CDKL1: variants seen among roughly 807,000 people sequenced by gnomAD.
CDKL1 encodes cyclin dependent kinase like 1, also known as cyclin-dependent kinase-like 1.
In CDKL1, 41 loss-of-function variants were observed where a neutral mutation model predicts 42.0. The ratio of observed to expected loss-of-function variants is 0.98; its 90% CI spans 0.76 to 1.27. The LOEUF is 1.27. Among genes scored for constraint, CDKL1 ranks in the 50% most tolerant of loss-of-function variants. CDKL1 has a pLI of 0.00. For synonymous variants in CDKL1, 153 were observed against 158.6 expected, an observed-to-expected ratio of 0.96 and a Z score of 0.26; for missense variants, 394 against 428.4, an observed-to-expected ratio of 0.92 and a Z score of 0.71.
chr14:50,339,152 A>T (rs562973742), intron 6 of CDKL1, 123 bp from the exon 7 acceptor site: 1 of 714,756 alleles, frequency 1.4e-6, no homozygotes, highest in Non-Finnish European at 2.5e-6. Context: ...TTCTTGGGCA[A>T]TCAGAAGGAG....
At chr14:50,342,994 C>A in intron 4 of CDKL1, 1 of 1,355,572 alleles carries the variant, frequency 7.4e-7, no homozygotes, top group South Asian at 1.2e-5. Flanking sequence ...GGCCCCCCCT[C>A]CAGAATTTAG....
rs111342310 is a variant in CDKL1, at chr14:50,328,176, T to C, written c.*1898A>G. ...AACTATTGGCTGAATTATTAGGCTG[T>C]TATAGTAATCTGCCTCCGTCAAGTG... On this transcript the variant is annotated 3_prime_UTR_variant, in exon 10 of 10. Transcript: ENST00000395834. The C allele has an allele frequency of 1.4e-4, 22 of 152,316 alleles. No individual in the cohort carries two copies. The highest frequency in any genetic ancestry group is 5.3e-4 in the African/African-American group (22 of 41,562). The allele number at this position is 152,316 out of a possible 1,614,324, so 9.4% of individuals were successfully genotyped here. A position where few individuals can be genotyped will look rare whatever the true frequency, so the allele number is the denominator to read the frequency against.
Position 50,358,974 on chromosome 14 carries a change from C to T in CDKL1, c.290+54G>A, listed in dbSNP as rs747455325. ...CTTAAAAAGAGTCATTGCCACTTTTCGCTCACAAATCCCAGTGTGTCTTTG... is the reference window on the plus strand; with the variant it reads ...CTTAAAAAGAGTCATTGCCACTTTTTGCTCACAAATCCCAGTGTGTCTTTG... On this transcript the variant is annotated intron_variant, in intron 3 of 9. Transcript: ENST00000395834. 3.1e-4 allele frequency: 482 copies of T among 1,570,292 alleles called. 3 individuals are homozygous for T. In the Admixed American group the frequency reaches 3.8e-3, roughly 12 times the overall value.
chr14:50,346,427 G>C (rs1566582630), intron 3 of CDKL1, among the ~76,000 whole-genome samples: 1 of 151,898 alleles, frequency 6.6e-6, no homozygotes, highest in Non-Finnish European at 1.5e-5. Context: ...ACTAAGATGA[G>C]ACATTAGGGG....
At chr14:50,356,478 A>G (rs1391452275) in intron 3 of CDKL1, among the ~76,000 whole-genome samples, 1 of 152,246 alleles carries the variant, frequency 6.6e-6, no homozygotes, top group Non-Finnish European at 1.5e-5. Context: ...GTATATACAC[A>G]CCATGGAATA....
In CDKL1 at chr14:50,341,186, G is replaced by C. The variant is rs756438899; in HGVS notation, c.501C>G (p.Tyr167Ter). ...CCCCCACCAGCAGCTCAGGGGAGCGGTACCACCTGGTAGCCACGTAGTCTG... is the reference window on the plus strand; with the variant it reads ...CCCCCACCAGCAGCTCAGGGGAGCGCTACCACCTGGTAGCCACGTAGTCTG... ...YYTDYVATRW[Y>*]RSPELLVGDT... Residue 167 changes from tyrosine to a stop codon, truncating the protein, a stop_gained, in exon 6 of 10, where the codon TAC becomes TAG. Coordinates refer to ENST00000395834, the MANE Select transcript of CDKL1 (RefSeq NM_004196.7). LOFTEE classifies it high-confidence loss of function. 5.6e-6 allele frequency: 9 copies of C among 1,614,040 alleles called. No homozygotes were observed. The highest frequency in any genetic ancestry group is 2.7e-5 in the African/African-American group (2 of 74,926).
chr14:50,378,326 T>C (rs1449314852), intron 2 of CDKL1: 1 of 1,366,384 alleles, frequency 7.3e-7, no homozygotes, highest in Non-Finnish European at 9.8e-7. Context: ...GCAATAAGGT[T>C]CTTGCTCTGC....
intron 2 of CDKL1, among the ~76,000 whole-genome samples, chr14:50,382,046 A>T (rs1399358349): frequency 6.6e-6 from 1 of 152,234 alleles, no homozygotes; most frequent in Admixed American, 6.5e-5. Flanking sequence ...CACTAGAGGG[A>T]CTTTAAGGTT....
At chr14:50,386,336 A>C (rs2035080759) in intron 2 of CDKL1, among the ~76,000 whole-genome samples, 1 of 152,208 alleles carries the variant, frequency 6.6e-6, no homozygotes, top group Admixed American at 6.5e-5. Flanking sequence ...CAGGAGGCTG[A>C]GGCAGAAGGA....
At chr14:50,397,170 A>T (rs201257127), upstream of CDKL1, 980 of 1,366,524 alleles carry the variant, frequency 7.2e-4, no homozygotes, top group Non-Finnish European at 9.2e-4. Context: ...CTGCGCTAGG[A>T]GCCCCTCCTG....
At chr14:50,344,451 A>AT (rs2033658846) in intron 4 of CDKL1, among the ~76,000 whole-genome samples, 1 of 143,710 alleles carries the variant, frequency 7.0e-6, no homozygotes, top group Non-Finnish European at 1.5e-5. Context: ...TGTATGACTA[A>AT]TTTTTTGTTC....
intron 2 of CDKL1, among the ~76,000 whole-genome samples, chr14:50,388,236 A>G (rs2035145568): frequency 6.6e-6 from 1 of 152,224 alleles, no homozygotes; most frequent in African/African-American, 2.4e-5. Context: ...ATATTTGAAG[A>G]GCAGAAGCCC....
chr14:50,374,389 G>A (rs8010877), intron 2 of CDKL1, among the ~76,000 whole-genome samples: 60,312 of 152,098 alleles, frequency 0.4, 12,388 homozygotes, highest in East Asian at 0.63. Flanking sequence ...AGAACTTTAC[G>A]ACACAATGTG....
chr14:50,376,994 C>T (rs1039374066), intron 2 of CDKL1, among the ~76,000 whole-genome samples: 6 of 152,182 alleles, frequency 3.9e-5, no homozygotes, highest in African/African-American at 9.7e-5. Flanking sequence ...TTTGGGAAAA[C>T]GTTCCAAGCA....
chr14:50,352,080 G>T (rs903291049), intron 3 of CDKL1, among the ~76,000 whole-genome samples: 4 of 152,092 alleles, frequency 2.6e-5, no homozygotes, highest in African/African-American at 9.7e-5. Context: ...GATTTGATTT[G>T]CTAATAATTT....
At chr14:50,354,713 G>A (rs2034005259) in intron 3 of CDKL1, among the ~76,000 whole-genome samples, 1 of 152,166 alleles carries the variant, frequency 6.6e-6, no homozygotes, top group South Asian at 2.1e-4. Flanking sequence ...ATATCTCGTG[G>A]TATAAACTTG....
At chr14:50,339,120 C>T in intron 6 of CDKL1, 91 bp from the exon 7 acceptor site, 1 of 891,610 alleles carries the variant, frequency 1.1e-6, no homozygotes, top group Non-Finnish European at 1.9e-6. Context: ...TGTCTGTGCC[C>T]ATATGCATGG....
chr14:50,334,487 T>C, intron 8 of CDKL1, 78 bp downstream of exon 8: 1 of 843,832 alleles, frequency 1.2e-6, no homozygotes, highest in Non-Finnish European at 2.0e-6. Flanking sequence ...ATTGCATGGA[T>C]TGACATAAGT....
chr14:50,378,184 C>A lies in CDKL1; in HGVS notation c.168+17517G>T, dbSNP rs191462945. On this transcript the variant is annotated intron_variant, in intron 2 of 9. Transcript: ENST00000395834. Reference sequence around the variant, plus strand: ...GTTAGCTGCTTCCTTTACCTGCAGACCTTAAAAATCCCTCACATGATGCAG... The same window carrying A: ...GTTAGCTGCTTCCTTTACCTGCAGAACTTAAAAATCCCTCACATGATGCAG... The A allele has an allele frequency of 2.8e-5, 38 of 1,366,322 alleles. No homozygotes were observed. In the African/African-American group the frequency reaches 5.0e-4, roughly 18 times the overall value. The allele number at this position is 1,366,322 out of a possible 1,614,324, so 84.6% of individuals were successfully genotyped here.
Sources: gnomAD v4.1 joint callset for allele counts (sites outside exome capture counted in the v4.1 genomes callset) on GRCh38, gnomAD v4.1.1 for gene constraint, MANE v1.5 for transcripts, NCBI Gene and HGNC (gene_info 2026-07-23, HGNC 2026-07-21) for gene names.